Variants in SYT12 observed in about 807,000 individuals in gnomAD.
The protein encoded by SYT12 is synaptotagmin-12.
A neutral mutation model predicts 39.5 loss-of-function variants in SYT12; 27 were observed. The ratio of observed to expected loss-of-function variants is 0.68; its 90% CI spans 0.50 to 0.94. SYT12 has a LOEUF of 0.94. Among genes scored for constraint, SYT12 ranks in the 40% least tolerant of loss-of-function variants. SYT12 has a pLI of 0.00. For missense variants in SYT12, 536 were observed against 572.6 expected (o/e 0.94, Z 0.65); for synonymous variants, 233 against 239.7 (o/e 0.97, Z 0.26).
At chr11:67,017,360 A>T (rs938175718) in intron 3 of SYT12, among the ~76,000 whole-genome samples, 58 of 139,538 alleles carry the variant, frequency 4.2e-4, no homozygotes, top group African/African-American at 1.3e-3. Context: ...CATTTCTACA[A>T]TTTTTTTTTT....
At chr11:67,014,023 C>T (rs72926924) in intron 3 of SYT12, among the ~76,000 whole-genome samples, 68 of 152,302 alleles carry the variant, frequency 4.5e-4, no homozygotes, top group Non-Finnish European at 8.1e-4. Context: ...TCCACGTGGC[C>T]TTCTTCTCTC....
At chr11:67,030,460 C>T in intron 2 of SYT12, 1 of 421,974 alleles carries the variant, frequency 2.4e-6, no homozygotes. Context: ...CCTCATCCTG[C>T]TGCACCCTGG....
intron 3 of SYT12, among the ~76,000 whole-genome samples, chr11:67,038,714 C>T (rs1051679026): frequency 2.6e-5 from 4 of 152,042 alleles, no homozygotes; most frequent in East Asian, 1.9e-4. Context: ...AAGGGCTGGG[C>T]GTGGTGGCTC....
intron 2 of SYT12, chr11:67,032,755 A>G (rs1475624131): frequency 2.0e-5 from 3 of 152,246 alleles, no homozygotes; most frequent in Non-Finnish European, 4.4e-5. Flanking sequence ...AATACAAAAA[A>G]TTAGCTGGGC....
At chr11:67,045,905 G>T in intron 7 of SYT12, 28 bp downstream of exon 7, 10 of 1,613,040 alleles carry the variant, frequency 6.2e-6, no homozygotes, top group Non-Finnish European at 8.5e-6. Context: ...ATGGGAAGGG[G>T]CCAGGTCACC....
At chr11:67,012,333 T>G (rs1248914568) in intron 3 of SYT12, among the ~76,000 whole-genome samples, 1 of 152,054 alleles carries the variant, frequency 6.6e-6, no homozygotes, top group African/African-American at 2.4e-5. Context: ...ATTGCACCAC[T>G]GCACTCCAGC....
At chr11:67,012,873 A>T (rs180950931) in intron 3 of SYT12, among the ~76,000 whole-genome samples, 6 of 152,326 alleles carry the variant, frequency 3.9e-5, no homozygotes, top group African/African-American at 1.4e-4. Context: ...AGCATGAAGT[A>T]ACCACACACT....
intron 7 of SYT12, among the ~76,000 whole-genome samples, chr11:67,047,927 A>G (rs1854612008): frequency 6.7e-6 from 1 of 149,404 alleles, no homozygotes; most frequent in Non-Finnish European, 1.5e-5. Flanking sequence ...AGCTGGGACT[A>G]CAGGTGCCCG....
intron 1 of SYT12, chr11:67,026,638 C>G (rs960231786): frequency 7.2e-5 from 11 of 152,078 alleles, no homozygotes; most frequent in African/African-American, 2.7e-4. Context: ...GGGAAACTCT[C>G]CCCGCACACA....
chr11:67,044,464 AG>A (rs1340923547), intron 5 of SYT12, 128 bp from the exon 6 acceptor site: 22 of 1,298,762 alleles, frequency 1.7e-5, no homozygotes, highest in Non-Finnish European at 2.2e-5. Context: ...CCCTGTGGTA[AG>A]GGGCCCCCAG....
intron 1 of SYT12, among the ~76,000 whole-genome samples, chr11:67,025,181 G>T (rs1446377879): frequency 2.6e-5 from 4 of 152,216 alleles, no homozygotes; most frequent in Admixed American, 6.5e-5. Context: ...ATAAAAGGGG[G>T]ATCCATTAAT....
intron 2 of SYT12, among the ~76,000 whole-genome samples, chr11:67,010,322 G>T (rs2136192527): frequency 6.6e-6 from 1 of 152,286 alleles, no homozygotes; most frequent in Non-Finnish European, 1.5e-5. Context: ...TGGTGAGCCG[G>T]GTGGTGACAG....
chr11:67,033,256 C>G (rs1264939655), intron 2 of SYT12, among the ~76,000 whole-genome samples: 2 of 152,142 alleles, frequency 1.3e-5, no homozygotes, highest in African/African-American at 4.8e-5. Context: ...CTTGCCCCTC[C>G]TCATATCTCA....
In SYT12 at chr11:67,048,917, G is replaced by C; in HGVS notation, c.*160G>C. The C allele has an allele frequency of 1.2e-6, 1 of 837,174 alleles. No individual in the cohort carries two copies. The highest frequency in any genetic ancestry group is 2.0e-5 in the South Asian group (1 of 51,168). 51.9% of individuals were successfully genotyped at this position (837,174 alleles called of 1,614,324 possible). A position where few individuals can be genotyped will look rare whatever the true frequency, so the allele number is the denominator to read the frequency against. On this transcript the variant is annotated 3_prime_UTR_variant, in exon 8 of 8. Transcript: ENST00000527043. ...TGGTCTCTCTGTCCAGATTGCAGCA[G>C]AGGAGTGGGCGTGGCTCTGTGTCCA... is the stretch of plus-strand genomic sequence containing the variant.
chr11:67,040,414 A>T (rs1374975035), intron 4 of SYT12, among the ~76,000 whole-genome samples: 1 of 152,118 alleles, frequency 6.6e-6, no homozygotes, highest in African/African-American at 2.4e-5. Flanking sequence ...CATTGTGTGG[A>T]GTTCTTAGCG....
At chr11:67,025,265 G>A (rs1385705121) in intron 1 of SYT12, among the ~76,000 whole-genome samples, 1 of 152,250 alleles carries the variant, frequency 6.6e-6, no homozygotes, top group Non-Finnish European at 1.5e-5. Flanking sequence ...CACATGTTAT[G>A]TCCACATGCA....
At chr11:67,007,628 G>A (rs747511971) in intron 1 of SYT12, among the ~76,000 whole-genome samples, 5 of 152,118 alleles carry the variant, frequency 3.3e-5, no homozygotes, top group South Asian at 2.1e-4. Context: ...GCAACAGGGC[G>A]GCCTCGGCTC....
At chr11:67,013,319 T>C (rs1208625760) in intron 3 of SYT12, among the ~76,000 whole-genome samples, 1 of 152,192 alleles carries the variant, frequency 6.6e-6, no homozygotes, top group Admixed American at 6.5e-5. Context: ...CAAGCTCTTG[T>C]GTCTGCCGAG....
At chr11:67,012,550 T>C (rs930633721) in intron 3 of SYT12, among the ~76,000 whole-genome samples, 6 of 152,080 alleles carry the variant, frequency 3.9e-5, no homozygotes, top group Non-Finnish European at 5.9e-5. Context: ...TCCAAGAGGG[T>C]AGGGTCTGTC....
Sources: allele counts gnomAD v4.1 joint callset (sites outside exome capture counted in the v4.1 genomes callset), GRCh38; gene constraint gnomAD v4.1.1; transcripts MANE v1.5; gene names NCBI Gene and HGNC (gene_info 2026-07-23, HGNC 2026-07-21).